PRCP: variants seen among roughly 807,000 people sequenced by gnomAD.
PRCP encodes lysosomal Pro-X carboxypeptidase.
Under a neutral mutation model 54.2 loss-of-function variants are expected in PRCP, and 46 were observed. That is an observed-to-expected ratio of 0.85 (90% CI 0.67 to 1.09). The LOEUF (loss-of-function observed/expected upper bound fraction) is 1.09, where lower values mean the gene tolerates loss of function less well. PRCP is among the 50% of genes least tolerant of loss of function. The pLI, the probability that PRCP is intolerant of heterozygous loss-of-function variation, is 0.00. For missense variants in PRCP, 613 were observed against 596.8 expected, an observed-to-expected ratio of 1.03 and a Z score of -0.28; for synonymous variants, 240 against 212.2, an observed-to-expected ratio of 1.13 and a Z score of -1.14.
Position 82,838,346 on chromosome 11 carries a change from T to C in PRCP, c.1274+41A>G, listed in dbSNP as rs564074641. 218 of 1,543,052 alleles carry C rather than the reference T, an allele frequency of 1.4e-4. 2 individuals are homozygous for C. The South Asian group carries it at 2.2e-3, about 15-fold the overall frequency. On this transcript the variant is annotated intron_variant, in intron 8 of 8. Transcript: ENST00000313010. ...TGTTTTTTCAGATATTCTACAAATG[T>C]TCCACCAACTGAAGTTTATCTTTGG...
chr11:82,828,992 A>G (rs1858311570), intron 8 of PRCP: 1 of 152,176 alleles, frequency 6.6e-6, no homozygotes, highest in Non-Finnish European at 1.5e-5. Context: ...TCTGTCAACA[A>G]ATCCTGTCAT....
intron 1 of PRCP, among the ~76,000 whole-genome samples, chr11:82,865,339 A>C (rs760526322): frequency 2.0e-4 from 31 of 152,128 alleles, no homozygotes; most frequent in Non-Finnish European, 4.1e-4. Flanking sequence ...CTTTCTCCTA[A>C]ATTTGCAAAA....
At chr11:82,900,936 C>T (rs1860273926), upstream of PRCP, 1 of 446,548 alleles carries the variant, frequency 2.2e-6, no homozygotes, top group East Asian at 7.0e-5. Context: ...GGGAGGCACA[C>T]GCATCATCTC....
upstream of PRCP, chr11:82,901,495 C>G: frequency 6.4e-6 from 1 of 156,942 alleles, no homozygotes; most frequent in Non-Finnish European, 1.4e-5. Flanking sequence ...TCACTCCACA[C>G]TTTCCCGGGA....
At chr11:82,865,486 T>C (rs1333773036) in intron 1 of PRCP, among the ~76,000 whole-genome samples, 1 of 152,232 alleles carries the variant, frequency 6.6e-6, no homozygotes, top group African/African-American at 2.4e-5. Flanking sequence ...AAAACCAAAA[T>C]CACATTGGCT....
chr11:82,856,736 T>C lies in PRCP; in HGVS notation c.309+3241A>G, dbSNP rs548953090. Among the ~76,000 whole-genome samples, 11 of 151,492 alleles carry C rather than the reference T, an allele frequency of 7.3e-5. No individual in the cohort carries two copies. In the East Asian group the frequency reaches 1.4e-3, roughly 19 times the overall value. ...GGAGAGAAAACAAATTAAATAAAAA[T>C]AAAAGGTAATTTCAACTTTAAAAAA... On this transcript the variant is annotated intron_variant, in intron 2 of 8. Coordinates refer to ENST00000313010, the MANE Select transcript of PRCP (RefSeq NM_005040.4).
intron 1 of PRCP, among the ~76,000 whole-genome samples, chr11:82,899,259 G>A (rs1860195506): frequency 6.6e-6 from 1 of 152,148 alleles, no homozygotes; most frequent in African/African-American, 2.4e-5. Context: ...CCTACTTGAA[G>A]CCAGATACTC....
At chr11:82,894,801 T>C (rs2121282076) in intron 1 of PRCP, among the ~76,000 whole-genome samples, 1 of 152,182 alleles carries the variant, frequency 6.6e-6, no homozygotes, top group East Asian at 1.9e-4. Context: ...CAGTGTTAGA[T>C]TTACTATTGT....
chr11:82,856,780 C>T (rs930107214), intron 2 of PRCP, among the ~76,000 whole-genome samples: 18 of 152,104 alleles, frequency 1.2e-4, no homozygotes, highest in African/African-American at 4.1e-4. Context: ...CAGGCGCAGT[C>T]GCTCACGCCT....
intron 2 of PRCP, among the ~76,000 whole-genome samples, chr11:82,855,490 G>A (rs990219042): frequency 1.5e-4 from 23 of 152,150 alleles, no homozygotes; most frequent in Non-Finnish European, 2.5e-4. Flanking sequence ...GTGGTGGCGG[G>A]CACCTGTAGT....
At chr11:82,861,096 A>G (rs751932618) in intron 1 of PRCP, among the ~76,000 whole-genome samples, 58 of 152,170 alleles carry the variant, frequency 3.8e-4, no homozygotes, top group Admixed American at 2.0e-4. Context: ...AAATATTTCT[A>G]AAAAGGAAAG....
chr11:82,867,047 T>C (rs1186297245), intron 1 of PRCP, among the ~76,000 whole-genome samples: 1 of 152,172 alleles, frequency 6.6e-6, no homozygotes, highest in Non-Finnish European at 1.5e-5. Context: ...ACTGATGCAG[T>C]TTAAATCTTC....
intron 8 of PRCP, among the ~76,000 whole-genome samples, chr11:82,833,796 T>C (rs1858451231): frequency 6.6e-6 from 1 of 152,092 alleles, no homozygotes; most frequent in African/African-American, 2.4e-5. Flanking sequence ...AGACTGAGAA[T>C]CAAAAAAGCT....
intron 1 of PRCP, among the ~76,000 whole-genome samples, chr11:82,874,035 C>T (rs1859540440): frequency 6.6e-6 from 1 of 152,134 alleles, no homozygotes; most frequent in Non-Finnish European, 1.5e-5. Context: ...CATTGTTTTG[C>T]ACATTCATCC....
chr11:82,835,940 C>A lies in PRCP; in HGVS notation c.1274+2447G>T, dbSNP rs192245524. 1.5e-4 allele frequency: 49 copies of A among 326,914 alleles called. 1 individual carries two copies. In the East Asian group the frequency reaches 4.2e-3, roughly 28 times the overall value. The allele number at this position is 326,914 out of a possible 1,614,324, so 20.3% of individuals were successfully genotyped here. On this transcript the variant is annotated intron_variant, in intron 8 of 8. Transcript: ENST00000313010. ...GGGCGTGGTGGCTCATGCCTGTAGT[C>A]CCAGCAATTTGGGAGGCCGAGTCAG...
chr11:82,845,781 G>T (rs1858794378), intron 6 of PRCP: 3 of 152,274 alleles, frequency 2.0e-5, no homozygotes, highest in Non-Finnish European at 4.4e-5. Context: ...TCTTTAAGCT[G>T]GGAAGAAACC....
At chr11:82,865,972 G>A (rs1859324875) in intron 1 of PRCP, among the ~76,000 whole-genome samples, 1 of 152,170 alleles carries the variant, frequency 6.6e-6, no homozygotes, top group Admixed American at 6.5e-5. Flanking sequence ...TCTAGGAGTG[G>A]ATTCCTACTA....
chr11:82,827,001 A>T (rs1291660807), intron 8 of PRCP: 1 of 152,214 alleles, frequency 6.6e-6, no homozygotes, highest in Non-Finnish European at 1.5e-5. Context: ...GCCCATTGCA[A>T]GCATTAGATC....
intron 1 of PRCP, among the ~76,000 whole-genome samples, chr11:82,871,498 A>G (rs1859483537): frequency 6.6e-6 from 1 of 152,120 alleles, no homozygotes; most frequent in South Asian, 2.1e-4. Context: ...TGTTTCTTCT[A>G]TACATGCAAA....
Sources: allele counts gnomAD v4.1 joint callset (sites outside exome capture counted in the v4.1 genomes callset), GRCh38; gene constraint gnomAD v4.1.1; transcripts MANE v1.5; gene names NCBI Gene and HGNC (gene_info 2026-07-23, HGNC 2026-07-21).